Variants in ABCA13 observed in about 807,000 individuals in gnomAD.
ABCA13 encodes ATP binding cassette subfamily A member 13.
Under a neutral mutation model 478.7 loss-of-function variants are expected in ABCA13, and 476 were observed. The observed-to-expected ratio is 0.99, with a 90% CI of 0.92 to 1.07. The LOEUF is 1.07. Ranked by LOEUF, ABCA13 falls within the 50% of genes least tolerant of loss-of-function variation. ABCA13 has a pLI of 0.00. For synonymous variants in ABCA13, 2,252 were observed against 2,158.9 expected, an observed-to-expected ratio of 1.04 and a Z score of -1.20; for missense variants, 6,060 against 5,910.6, an observed-to-expected ratio of 1.03 and a Z score of -0.83.
chr7:48,336,647 G>A (rs1253732206), intron 28 of ABCA13, among the ~76,000 whole-genome samples: 3 of 152,218 alleles, frequency 2.0e-5, no homozygotes, highest in Non-Finnish European at 4.4e-5. Context: ...GACAGCCCAT[G>A]GGAGGCGTGG....
At chr7:48,605,098 CT>C (rs1791334072) in intron 58 of ABCA13, among the ~76,000 whole-genome samples, 1 of 152,114 alleles carries the variant, frequency 6.6e-6, no homozygotes, top group Non-Finnish European at 1.5e-5. Flanking sequence ...TCCTCCATCC[CT>C]TTATTTTGAG....
In ABCA13 at chr7:48,275,619, A is replaced by G; in HGVS notation, c.5953A>G (p.Asn1985Asp). The change falls in exon 17 of 62, where the codon AAC becomes GAC. Residue 1985 changes from asparagine (N) to aspartate (D), a missense_variant. Asn to Asp is a conservative substitution (Grantham distance 23). Around this residue, in one of 3 missense-constraint regions of ABCA13, gnomAD observed 4,423 missense variants for 4,309.1 expected, o/e 1.03. Transcript: ENST00000435803. The part of the protein sequence containing the change: ...DKLSSLNKIL[N>D]INEDTETSVQ... Reference sequence around the variant, plus strand: ...ACTAAGTAGTTTAAACAAGATCCTTAACATTAATGAAGACACAGAGACATC... The same window carrying G: ...ACTAAGTAGTTTAAACAAGATCCTTGACATTAATGAAGACACAGAGACATC... 6.2e-7 allele frequency: 1 copy of G among 1,608,316 alleles called. No individual in the cohort carries two copies. The highest frequency in any genetic ancestry group is 8.5e-7 in the Non-Finnish European group (1 of 1,176,586).
At chr7:48,230,043 C>A in intron 7 of ABCA13, 88 bp downstream of exon 7, 1 of 1,366,970 alleles carries the variant, frequency 7.3e-7, no homozygotes, top group Non-Finnish European at 9.7e-7. Context: ...AAATGATGTT[C>A]AAAATGATTT....
At chr7:48,482,851 ACCTTCTCAATTATCAGTG>A (rs1471525692) in intron 46 of ABCA13, among the ~76,000 whole-genome samples, 1 of 152,198 alleles carries the variant, frequency 6.6e-6, no homozygotes, top group East Asian at 1.9e-4. Context: ...CCTTATCCAC[ACCTTCTCAATTATCAGTG>A]CCTTCCGTTT....
chr7:48,316,618 C>A (rs1051761384), intron 26 of ABCA13, among the ~76,000 whole-genome samples: 2 of 152,110 alleles, frequency 1.3e-5, no homozygotes, highest in Admixed American at 1.3e-4. Context: ...ATATCAGACA[C>A]TGGGTAATTT....
chr7:48,542,543 A>C (rs1281730845), intron 55 of ABCA13, among the ~76,000 whole-genome samples: 1 of 151,804 alleles, frequency 6.6e-6, no homozygotes, highest in African/African-American at 2.4e-5. Context: ...AGAAAAAATA[A>C]TAAATACATT....
intron 1 of ABCA13, among the ~76,000 whole-genome samples, chr7:48,188,944 C>T (rs1455954211): frequency 6.6e-6 from 1 of 152,152 alleles, no homozygotes; most frequent in Non-Finnish European, 1.5e-5. Context: ...AACGCTTCCA[C>T]CCTCTGCTGG....
intron 19 of ABCA13, among the ~76,000 whole-genome samples, chr7:48,285,989 T>G (rs1192598105): frequency 1.3e-5 from 2 of 152,236 alleles, no homozygotes; most frequent in Non-Finnish European, 2.9e-5. Flanking sequence ...ATATATTGTG[T>G]CTACTCTGCA....
At chr7:48,372,662 T>C (rs1812839113) in intron 33 of ABCA13, among the ~76,000 whole-genome samples, 165 bp downstream of exon 33, 1 of 152,214 alleles carries the variant, frequency 6.6e-6, no homozygotes, top group Non-Finnish European at 1.5e-5. Flanking sequence ...TGCAAACCGT[T>C]GAAACTGCAG....
At chr7:48,568,668 CTA>C (rs1370485716) in intron 55 of ABCA13, among the ~76,000 whole-genome samples, 1 of 151,910 alleles carries the variant, frequency 6.6e-6, no homozygotes, top group Non-Finnish European at 1.5e-5. Context: ...TTGAAATAGT[CTA>C]GAAGCATTAG....
chr7:48,372,421 A>G lies in ABCA13; in HGVS notation c.11057A>G (p.Tyr3686Cys), dbSNP rs1812774208. ...GCGGCCCTTTGTACCAGCCTGGTGT[A>G]CATGATCAGCTTTCTGCCCTACATA... ...NTAALCTSLV[Y>C]MISFLPYIVL... The change falls in exon 33 of 62, where the codon TAC (tyrosine) becomes TGC (cysteine). Residue 3686 changes from tyrosine (Y) to cysteine (C), a missense_variant. Around this residue, in one of 3 missense-constraint regions of ABCA13, gnomAD observed 4,423 missense variants for 4,309.1 expected, o/e 1.03. Transcript: ENST00000435803. 1 of 1,613,760 alleles carries G rather than the reference A, an allele frequency of 6.2e-7. No individual in the cohort carries two copies. The highest frequency in any genetic ancestry group is 8.5e-7 in the Non-Finnish European group (1 of 1,179,852).
chr7:48,201,610 T>C (rs1360702747), intron 3 of ABCA13, among the ~76,000 whole-genome samples: 4 of 152,076 alleles, frequency 2.6e-5, no homozygotes, highest in African/African-American at 4.8e-5. Flanking sequence ...GTTCCAACTA[T>C]TCAGGAGGCT....
intron 31 of ABCA13, among the ~76,000 whole-genome samples, chr7:48,362,653 A>G (rs564001868): frequency 3.3e-5 from 5 of 151,638 alleles, no homozygotes; most frequent in Admixed American, 1.3e-4. Flanking sequence ...GCTAATATTT[A>G]ATAATGTTTT....
chr7:48,580,292 CCCTGGA>C lies in ABCA13; in HGVS notation c.14425_14430del (p.Leu4809_Asp4810del). The stretch of plus-strand genomic sequence containing the variant: ...ATTGGCTACTGTCCCCAGCAGGATG[CCCTGGA>C]CGAGCTTCTGACTGGTTGGGAACAT... On this transcript the variant is annotated inframe_deletion, in exon 56 of 62. Transcript: ENST00000435803. The C allele has an allele frequency of 6.2e-7, 1 of 1,612,168 alleles. No individual in the cohort carries two copies. Among genetic ancestry groups the C allele is most frequent in the Non-Finnish European group, 8.5e-7 (1 of 1,179,220 alleles).
At chr7:48,587,060 G>A (rs542461977) in intron 56 of ABCA13, 94 bp from the exon 57 acceptor site, 1 of 1,539,510 alleles carries the variant, frequency 6.5e-7, no homozygotes, top group African/African-American at 1.4e-5. Context: ...GGCAGGGTTA[G>A]TGGGAGGTAG....
intron 52 of ABCA13, among the ~76,000 whole-genome samples, chr7:48,517,343 G>A (rs1225208334): frequency 6.6e-6 from 1 of 152,092 alleles, no homozygotes; most frequent in African/African-American, 2.4e-5. Flanking sequence ...TGATGATCTG[G>A]CGGGATTCTA....
Position 48,279,083 on chromosome 7 carries a change from A to G in ABCA13, c.7889A>G (p.Asp2630Gly), listed in dbSNP as rs182411883. The change falls in exon 18 of 62, where the codon GAC (aspartate) becomes GGC (glycine). Residue 2630 changes from aspartate to glycine, a missense_variant. Around this residue, in one of 3 missense-constraint regions of ABCA13, gnomAD observed 4,423 missense variants for 4,309.1 expected, o/e 1.03. Coordinates refer to ENST00000435803, the MANE Select transcript of ABCA13 (RefSeq NM_152701.5). ...CTCTCATATATGAACCAATCTAAGG[A>G]CTTTTCTGATATTTTGGAAGAAATT... Reference protein sequence around the residue: ...SILSYMNQSKDFSDILEEIAE... With the variant: ...SILSYMNQSKGFSDILEEIAE... 666 of 1,612,586 alleles carry G rather than the reference A, an allele frequency of 4.1e-4. 1 individual carries two copies. In the African/African-American group the frequency reaches 8.1e-3, roughly 19 times the overall value.
At chr7:48,598,200 T>C (rs1166009587) in intron 58 of ABCA13, among the ~76,000 whole-genome samples, 1 of 152,224 alleles carries the variant, frequency 6.6e-6, no homozygotes, top group East Asian at 1.9e-4. Context: ...ATATAGTATG[T>C]AGTCTTTTCA....
chr7:48,430,947 A>G (rs999382008), intron 42 of ABCA13, among the ~76,000 whole-genome samples: 17 of 152,064 alleles, frequency 1.1e-4, no homozygotes, highest in Non-Finnish European at 1.8e-4. Flanking sequence ...TGAATTTGAG[A>G]TCTGTTTTTT....
Sources: allele counts gnomAD v4.1 joint callset (sites outside exome capture counted in the v4.1 genomes callset), GRCh38; gene constraint gnomAD v4.1.1; regional missense constraint gnomAD v4.1.1; transcripts MANE v1.5; gene names NCBI Gene and HGNC (gene_info 2026-07-23, HGNC 2026-07-21).